KCNU1: variants seen among roughly 807,000 people sequenced by gnomAD.
KCNU1 encodes the protein potassium calcium-activated channel subfamily U member 1.
KCNU1 carries 93 observed loss-of-function variants against 126.8 expected under a neutral mutation model. The ratio of observed to expected loss-of-function variants is 0.73; its 90% confidence interval spans 0.62 to 0.87. The LOEUF is 0.87. KCNU1 is among the 40% of genes least tolerant of loss of function. KCNU1 has a pLI of 0.00. For missense variants in KCNU1, 1,330 were observed against 1,367.1 expected (o/e 0.97, Z 0.43); for synonymous variants, 523 against 494.2 (o/e 1.06, Z -0.77).
intron 18 of KCNU1, among the ~76,000 whole-genome samples, chr8:36,847,520 C>A (rs1805194372): frequency 6.6e-6 from 1 of 152,152 alleles, no homozygotes; most frequent in African/African-American, 2.4e-5. Context: ...CCTTCTCATC[C>A]TTTAATAACC....
intron 22 of KCNU1, among the ~76,000 whole-genome samples, chr8:36,916,811 C>T (rs1435355566): frequency 6.6e-6 from 1 of 152,126 alleles, no homozygotes; most frequent in African/African-American, 2.4e-5. Context: ...ATCTTGGGTT[C>T]TTCATGAGGA....
chr8:36,831,210 A>G (rs2130535836), intron 10 of KCNU1, among the ~76,000 whole-genome samples: 1 of 151,472 alleles, frequency 6.6e-6, no homozygotes, highest in East Asian at 1.9e-4. Flanking sequence ...ATAATGCCGC[A>G]ATAAACATAC....
rs898053649 is a variant in KCNU1 at position 36,814,318 on chromosome 8, G to A, written c.844G>A (p.Val282Met). 6.2e-7 allele frequency: 1 copy of A among 1,613,172 alleles called. No individual in the cohort carries two copies. Residue 282 changes from valine (V) to methionine (M), a missense_variant, in exon 8 of 27, where the codon GTG becomes ATG. Val to Met is a conservative substitution (Grantham distance 21). Transcript: ENST00000399881. ...ATTSTVGFGD[V>M]VAKTSLGRTF... ...AACGTCAACCGTTGGATTTGGAGAT[G>A]TGGTAGCCAAGACATCCTTAGGACG...
At chr8:36,818,523 G>T (rs970308769) in intron 10 of KCNU1, among the ~76,000 whole-genome samples, 1 of 152,030 alleles carries the variant, frequency 6.6e-6, no homozygotes, top group Non-Finnish European at 1.5e-5. Context: ...ATACAGAAGT[G>T]TTTGATTTGC....
At chr8:36,896,315 A>C (rs1404701207) in intron 19 of KCNU1, among the ~76,000 whole-genome samples, 1 of 152,030 alleles carries the variant, frequency 6.6e-6, no homozygotes, top group Non-Finnish European at 1.5e-5. Flanking sequence ...ACTCTGTTCT[A>C]GATAGTTAAG....
intron 10 of KCNU1, among the ~76,000 whole-genome samples, chr8:36,818,260 A>G (rs929932733): frequency 2.6e-5 from 4 of 152,156 alleles, no homozygotes; most frequent in African/African-American, 7.2e-5. Context: ...AGGTACACAA[A>G]ATGATTTCTT....
intron 10 of KCNU1, among the ~76,000 whole-genome samples, chr8:36,819,192 C>T (rs1804033611): frequency 6.6e-6 from 1 of 152,068 alleles, no homozygotes; most frequent in African/African-American, 2.4e-5. Flanking sequence ...TTCTCTTAGA[C>T]ATTCTCTGTG....
chr8:36,881,796 T>TCACACA (rs10522369), intron 19 of KCNU1, among the ~76,000 whole-genome samples: 3,222 of 138,866 alleles, frequency 0.023, 42 homozygotes, highest in Middle Eastern at 0.052. Context: ...AAAAGTCAAA[T>TCACACA]CACACACACA....
intron 19 of KCNU1, among the ~76,000 whole-genome samples, chr8:36,881,796 T>TCACACACACACACA (rs10522369): frequency 6.5e-5 from 9 of 138,844 alleles, no homozygotes; most frequent in South Asian, 2.6e-4. Context: ...AAAAGTCAAA[T>TCACACACACACACA]CACACACACA....
At chr8:36,800,197 A>G (rs1563262041) in intron 2 of KCNU1, among the ~76,000 whole-genome samples, 1 of 152,134 alleles carries the variant, frequency 6.6e-6, no homozygotes, top group Non-Finnish European at 1.5e-5. Flanking sequence ...TTCTCATAAA[A>G]CAGGCACTTA....
intron 19 of KCNU1, among the ~76,000 whole-genome samples, chr8:36,899,141 C>T (rs1012437044): frequency 3.3e-5 from 5 of 152,052 alleles, no homozygotes; most frequent in Non-Finnish European, 5.9e-5. Flanking sequence ...TCAGTTTTTA[C>T]TCATCAGAAA....
chr8:36,935,406 A>T (rs1808821083), intron 26 of KCNU1, 109 bp from the exon 27 acceptor site: 1 of 820,202 alleles, frequency 1.2e-6, no homozygotes, highest in Non-Finnish European at 2.0e-6. Context: ...ACAAAACAAA[A>T]ACGTTTCCTC....
chr8:36,872,214 G>A (rs1806127134), intron 19 of KCNU1, among the ~76,000 whole-genome samples: 1 of 152,038 alleles, frequency 6.6e-6, no homozygotes, highest in South Asian at 2.1e-4. Flanking sequence ...ACCCTTCTGG[G>A]GCAGCTTCCC....
At chr8:36,871,714 G>T (rs1194607168) in intron 19 of KCNU1, among the ~76,000 whole-genome samples, 2 of 152,092 alleles carry the variant, frequency 1.3e-5, no homozygotes, top group Non-Finnish European at 2.9e-5. Flanking sequence ...TGGAATTACG[G>T]GTATGGAAAT....
chr8:36,836,865 C>T lies in KCNU1; in HGVS notation c.1438C>T (p.Leu480Phe), dbSNP rs1804768330. The change falls in exon 14 of 27, where the codon CTT (leucine) becomes TTT (phenylalanine). Residue 480 changes from leucine (L) to phenylalanine (F), a missense_variant. Physicochemically the swap from Leu to Phe is conservative, Grantham distance 22. This residue lies in a region of KCNU1 where 1,054 missense variants were observed against 1,053.9 expected (regional missense o/e 1.00). Coordinates refer to ENST00000399881, the MANE Select transcript of KCNU1 (RefSeq NM_001031836.3). ...CATCATCTGCTTTGCTGAATTAAAA[C>T]TTGGATTTATCGCCCAAGGCTGTTT... Reference protein sequence around the residue: ...DNIICFAELKLGFIAQGCLVP... With the variant: ...DNIICFAELKFGFIAQGCLVP... The T allele has an allele frequency of 6.2e-7, 1 of 1,613,818 alleles. No homozygotes were observed. The highest frequency in any genetic ancestry group is 8.5e-7 in the Non-Finnish European group (1 of 1,179,776).
At chr8:36,826,251 C>A (rs1281628792) in intron 10 of KCNU1, among the ~76,000 whole-genome samples, 1 of 151,270 alleles carries the variant, frequency 6.6e-6, no homozygotes, top group Non-Finnish European at 1.5e-5. Flanking sequence ...GCTCTGTCAC[C>A]CAGGCTGGAG....
chr8:36,919,313 T>A (rs1038490308), intron 23 of KCNU1, among the ~76,000 whole-genome samples: 1 of 151,268 alleles, frequency 6.6e-6, no homozygotes, highest in Non-Finnish European at 1.5e-5. Context: ...AGGAGAGGCA[T>A]GTGGGGTACA....
chr8:36,854,034 T>C (rs565828258), intron 18 of KCNU1, among the ~76,000 whole-genome samples: 1 of 152,294 alleles, frequency 6.6e-6, no homozygotes, highest in South Asian at 2.1e-4. Flanking sequence ...GCGCTTTAAA[T>C]ATTTCATCCT....
At chr8:36,793,358 AAAAAT>A (rs1406028464) in intron 2 of KCNU1, among the ~76,000 whole-genome samples, 1 of 151,778 alleles carries the variant, frequency 6.6e-6, no homozygotes, top group Non-Finnish European at 1.5e-5. Context: ...TATAATAATA[AAAAAT>A]AAAATAAAAT....
Sources: allele counts gnomAD v4.1 joint callset (sites outside exome capture counted in the v4.1 genomes callset), GRCh38; gene constraint gnomAD v4.1.1; regional missense constraint gnomAD v4.1.1; transcripts MANE v1.5; gene names NCBI Gene and HGNC (gene_info 2026-07-23, HGNC 2026-07-21).